CLVS1: variants seen among roughly 807,000 people sequenced by gnomAD.
CLVS1 encodes the protein clavesin 1.
CLVS1 carries 10 observed loss-of-function variants against 33.1 expected under a neutral mutation model. That is an observed-to-expected ratio of 0.30 (90% CI 0.19 to 0.51). The LOEUF is 0.51. Ranked by LOEUF, CLVS1 falls within the 20% of genes least tolerant of loss-of-function variation. CLVS1 has a pLI of 0.97. For synonymous variants in CLVS1, 163 were observed against 166.1 expected (o/e 0.98, Z 0.14); for missense variants, 343 against 433.4 (o/e 0.79, Z 1.85).
chr8:60,993,503 C>G, the CLVS1 span, among the ~76,000 whole-genome samples: 1 of 152,230 alleles, frequency 6.6e-6, no homozygotes, highest in African/African-American at 2.4e-5. Context: ...GGCTTCTCAT[C>G]TATTAGATGG....
chr8:61,458,168 C>T (rs907318242), intron 4 of CLVS1, 139 bp from the exon 5 acceptor site: 2 of 635,886 alleles, frequency 3.1e-6, no homozygotes, highest in East Asian at 2.7e-5. Flanking sequence ...AAGCTACAGT[C>T]ACAAAATCAA....
At chr8:61,486,537 C>T (rs78174972) in intron 5 of CLVS1, among the ~76,000 whole-genome samples, 1,593 of 152,288 alleles carry the variant, frequency 0.01, 31 homozygotes, top group African/African-American at 0.037. Flanking sequence ...AATAATCCTT[C>T]ACGTACCTTA....
chr8:61,460,701 T>A (rs1450762162), intron 5 of CLVS1, among the ~76,000 whole-genome samples: 3 of 152,162 alleles, frequency 2.0e-5, no homozygotes, highest in African/African-American at 7.2e-5. Flanking sequence ...AAGCAGATAT[T>A]GTTGTTCTTT....
chr8:61,278,413 C>A (rs1392616281), intron 2 of CLVS1, among the ~76,000 whole-genome samples: 1 of 152,142 alleles, frequency 6.6e-6, no homozygotes, highest in Non-Finnish European at 1.5e-5. Context: ...ATGTTTAGGC[C>A]CATCTTCCTC....
the CLVS1 span, among the ~76,000 whole-genome samples, chr8:60,978,488 T>A: frequency 7.2e-5 from 11 of 152,328 alleles, no homozygotes; most frequent in South Asian, 2.3e-3. Context: ...AAGTTTAAGA[T>A]GTTAATTGTA....
At chr8:60,982,639 C>T in the CLVS1 span, among the ~76,000 whole-genome samples, 5 of 152,094 alleles carry the variant, frequency 3.3e-5, no homozygotes, top group Non-Finnish European at 7.3e-5. Flanking sequence ...TAATAAAGAC[C>T]CTAGAAGCCT....
At chr8:61,452,397 T>A (rs1273804332) in intron 3 of CLVS1, among the ~76,000 whole-genome samples, 1 of 152,218 alleles carries the variant, frequency 6.6e-6, no homozygotes, top group African/African-American at 2.4e-5. Context: ...AATGCTTGTT[T>A]CTTATTCTTC....
At chr8:61,175,364 C>T (rs1263149156) in intron 2 of CLVS1, among the ~76,000 whole-genome samples, 1 of 152,162 alleles carries the variant, frequency 6.6e-6, no homozygotes, top group Non-Finnish European at 1.5e-5. Context: ...AACCAGGGAA[C>T]AAGCCTTCAT....
chr8:61,210,832 A>G (rs1394265154), intron 2 of CLVS1, among the ~76,000 whole-genome samples: 1 of 152,236 alleles, frequency 6.6e-6, no homozygotes, highest in Non-Finnish European at 1.5e-5. Flanking sequence ...TGGGGATTCC[A>G]CGACATAGAG....
intron 2 of CLVS1, among the ~76,000 whole-genome samples, chr8:61,372,607 G>GTT (rs1324999414): frequency 1.4e-5 from 2 of 148,052 alleles, no homozygotes; most frequent in East Asian, 2.0e-4. Flanking sequence ...TTTTTTTTTA[G>GTT]TTTTTACTTA....
chr8:61,151,709 C>G (rs886356526), intron 2 of CLVS1, among the ~76,000 whole-genome samples: 2 of 152,146 alleles, frequency 1.3e-5, no homozygotes, highest in Admixed American at 6.5e-5. Context: ...CAAGAGGGAC[C>G]CTGCTGGTTC....
At chr8:61,466,763 T>A (rs1563566018) in intron 5 of CLVS1, among the ~76,000 whole-genome samples, 1 of 152,180 alleles carries the variant, frequency 6.6e-6, no homozygotes, top group Non-Finnish European at 1.5e-5. Context: ...TTCTGCTGCC[T>A]CAGCCTCCCG....
intron 2 of CLVS1, among the ~76,000 whole-genome samples, chr8:61,235,781 C>T (rs1255013446): frequency 6.6e-6 from 1 of 152,178 alleles, no homozygotes; most frequent in East Asian, 1.9e-4. Context: ...ACCCTCTGTT[C>T]TGAGGTTAAG....
intron 1 of CLVS1, among the ~76,000 whole-genome samples, chr8:61,102,365 GT>G (rs1368334427): frequency 6.6e-6 from 1 of 151,984 alleles, no homozygotes; most frequent in Non-Finnish European, 1.5e-5. Flanking sequence ...TTATGCAATT[GT>G]AAAAAAAATT....
At chr8:61,282,864 A>T (rs1342596763) in intron 2 of CLVS1, among the ~76,000 whole-genome samples, 3 of 152,180 alleles carry the variant, frequency 2.0e-5, no homozygotes, top group Non-Finnish European at 4.4e-5. Context: ...GGAACAAAAA[A>T]CTTGGGATAG....
Position 61,458,387 on chromosome 8 carries a change from T to C in CLVS1, c.822T>C (p.Thr274=). ...TTTTGCCCTCTGAATTTGGAGGAAC[T>C]CTTCCTCCTTATGACATGGGAACTT... ...PEFLPSEFGG[T]LPPYDMGTWA... Residue 274 remains threonine, a synonymous_variant, in exon 5 of 6, where the codon ACT becomes ACC. Transcript: ENST00000325897. 6.2e-7 allele frequency: 1 copy of C among 1,614,136 alleles called. No homozygotes were observed. Among genetic ancestry groups the C allele is most frequent in the Non-Finnish European group, 8.5e-7 (1 of 1,179,978 alleles).
chr8:61,131,677 T>TC (rs1171832630), intron 1 of CLVS1: 1 of 152,032 alleles, frequency 6.6e-6, no homozygotes, highest in African/African-American at 2.4e-5. Context: ...GCCAGTTTTT[T>TC]TTTTTTTCTT....
chr8:61,454,857 C>A (rs138204507), intron 4 of CLVS1, among the ~76,000 whole-genome samples: 6 of 152,264 alleles, frequency 3.9e-5, no homozygotes, highest in African/African-American at 1.2e-4. Flanking sequence ...CATTCCTTAA[C>A]CACTCTGAAT....
At chr8:61,050,767 C>T in the CLVS1 span, among the ~76,000 whole-genome samples, 4 of 152,240 alleles carry the variant, frequency 2.6e-5, no homozygotes, top group African/African-American at 7.2e-5. Context: ...TTTCCTTCCT[C>T]GCCTTTGGCA....
Sources: gnomAD v4.1 joint callset for allele counts (sites outside exome capture counted in the v4.1 genomes callset) on GRCh38, gnomAD v4.1.1 for gene constraint, MANE v1.5 for transcripts, NCBI Gene and HGNC (gene_info 2026-07-23, HGNC 2026-07-21) for gene names.